The following RASD1 variants were observed in gnomAD, a reference collection of about 807,000 sequenced individuals.
The protein encoded by RASD1 is dexamethasone-induced Ras-related protein 1.
Under a neutral mutation model 16.7 loss-of-function variants are expected in RASD1, and 13 were observed. The ratio of observed to expected loss-of-function variants is 0.78; its 90% CI spans 0.51 to 1.24. RASD1 has a LOEUF of 1.24. Ranked by LOEUF, RASD1 falls within the 50% of genes most tolerant of loss-of-function variation. RASD1 has a pLI of 0.00. For synonymous variants in RASD1, 170 were observed against 172.6 expected, an observed-to-expected ratio of 0.98 and a Z score of 0.12; for missense variants, 397 against 407.5, an observed-to-expected ratio of 0.97 and a Z score of 0.22.
rs766402022 is a variant in RASD1 at position 17,495,888 on chromosome 17, C to T, written c.286+8G>A. 5 of 1,599,974 alleles carry T rather than the reference C, an allele frequency of 3.1e-6. No homozygotes were observed. In the African/African-American group the frequency reaches 5.3e-5, roughly 17 times the overall value. On this transcript the variant is annotated splice_region_variant and intron_variant, in intron 1 of 1. Coordinates refer to ENST00000225688, the MANE Select transcript of RASD1 (RefSeq NM_016084.5). ...TTCCCTCCCGCACCTGCCCGGCCCC[C>T]GGCTCACCTGTGAGGATGGAGAGGC... is the stretch of plus-strand genomic sequence containing the variant.
In RASD1 at chr17:17,495,255, G is replaced by A; in HGVS notation, c.716C>T (p.Pro239Leu). 1 of 1,578,178 alleles carries A rather than the reference G, an allele frequency of 6.3e-7. No individual in the cohort carries two copies. The highest frequency in any genetic ancestry group is 8.6e-7 in the Non-Finnish European group (1 of 1,163,738). Reference sequence around the variant, plus strand: ...TGCCACGATGCCAAAGGCGTCGCCCGGGTCGCCGCCGCCGCCGCCGCTGCC... The same window carrying A: ...TGCCACGATGCCAAAGGCGTCGCCCAGGTCGCCGCCGCCGCCGCCGCTGCC... ...RAGSGGGGGD[P>L]GDAFGIVAPF... Residue 239 changes from proline to leucine, a missense_variant, in exon 2 of 2, where the codon CCG becomes CTG. Coordinates refer to ENST00000225688, the MANE Select transcript of RASD1 (RefSeq NM_016084.5).
rs111300422 is a variant in RASD1 at position 17,494,935 on chromosome 17, C to G, written c.*190G>C. On this transcript the variant is annotated 3_prime_UTR_variant, in exon 2 of 2. Transcript: ENST00000225688. ...GTGGGGAATAGTCCCAGTCTTGGCCCGTTCTCTTTCCTTCCGGAGCAGATG... is the reference window on the plus strand; with the variant it reads ...GTGGGGAATAGTCCCAGTCTTGGCCGGTTCTCTTTCCTTCCGGAGCAGATG... The G allele has an allele frequency of 0.041, 30,196 of 734,782 alleles. 1,792 individuals are homozygous for G. Among genetic ancestry groups the G allele is most frequent in the African/African-American group, 0.23 (12,302 of 54,114 alleles). 45.5% of individuals were successfully genotyped at this position (734,782 alleles called of 1,614,324 possible). A position where few individuals can be genotyped will look rare whatever the true frequency, so the allele number is the denominator to read the frequency against.
In RASD1 at chr17:17,495,220, G is replaced by A. The variant is rs1196651875; in HGVS notation, c.751C>T (p.Arg251Cys). The change falls in exon 2 of 2, where the codon CGC becomes TGC. Residue 251 changes from arginine to cysteine, a missense_variant. Transcript: ENST00000225688. ...DAFGIVAPFA[R>C]RPSVHSDLMY... ...AGGTCGCTGTGTACGCTGGGCCGGCGCGCGAAGGGTGCCACGATGCCAAAG... is the reference window on the plus strand; with the variant it reads ...AGGTCGCTGTGTACGCTGGGCCGGCACGCGAAGGGTGCCACGATGCCAAAG... 1.2e-6 allele frequency: 2 copies of A among 1,609,924 alleles called. No homozygotes were observed. The highest frequency in any genetic ancestry group is 1.7e-6 in the Non-Finnish European group (2 of 1,179,106).
rs756541163 is a variant in RASD1 at position 17,496,175 on chromosome 17, G to A, written c.7C>T (p.Leu3=). MK[L]AAMIKKMCPS... is the part of the protein sequence containing the mutation. Reference sequence around the variant, plus strand: ...CACATCTTCTTGATCATCGCGGCCAGTTTCATTGGGCAGAGGGGCCGCGAG... The same window carrying A: ...CACATCTTCTTGATCATCGCGGCCAATTTCATTGGGCAGAGGGGCCGCGAG... The change falls in exon 1 of 2, where the codon CTG becomes TTG. Residue 3 remains leucine (L), a synonymous_variant. Transcript: ENST00000225688. 10 of 1,601,238 alleles carry A rather than the reference G, an allele frequency of 6.2e-6. No homozygotes were observed. The highest frequency in any genetic ancestry group is 7.7e-6 in the Non-Finnish European group (9 of 1,171,922).
chr17:17,496,345 G>C lies in RASD1; in HGVS notation c.-164C>G, dbSNP rs941429015. On this transcript the variant is annotated 5_prime_UTR_variant, in exon 1 of 2. Coordinates refer to ENST00000225688, the MANE Select transcript of RASD1 (RefSeq NM_016084.5). The stretch of plus-strand genomic sequence containing the variant: ...TCCGCTCGGGCTGGGCTCGGGCTAG[G>C]CTGGGCTCGGCTGGGGTTCTCCCAG... 1.4e-6 allele frequency: 1 copy of C among 701,060 alleles called. No homozygotes were observed. The highest frequency in any genetic ancestry group is 2.2e-6 in the Non-Finnish European group (1 of 451,936). 43.4% of individuals were successfully genotyped at this position (701,060 alleles called of 1,614,324 possible).
chr17:17,495,767 G>A (rs1398625485), intron 1 of RASD1, 83 bp from the exon 2 acceptor site: 1 of 1,469,138 alleles, frequency 6.8e-7, no homozygotes, highest in Non-Finnish European at 9.0e-7. Flanking sequence ...GAGGCCGCGC[G>A]GGGCGCGCTA....
rs1202580856 is a variant in RASD1 at position 17,495,487 on chromosome 17, G to A, written c.484C>T (p.Gln162Ter). The change falls in exon 2 of 2, where the codon CAG becomes TAG. Residue 162 changes from glutamine to a stop codon, truncating the protein, a stop_gained. Coordinates refer to ENST00000225688, the MANE Select transcript of RASD1 (RefSeq NM_016084.5). LOFTEE classifies it high-confidence loss of function. ...YREVDQREIEQLVGDDPQRCA... is the reference protein window; with the variant it reads ...YREVDQREIE ...CGCTGGGGGTCGTCGCCCACCAGCT[G>A]CTCGATCTCGCGCTGGTCCACCTCG... The A allele has an allele frequency of 6.2e-7, 1 of 1,610,702 alleles. No homozygotes were observed. The highest frequency in any genetic ancestry group is 1.1e-5 in the South Asian group (1 of 90,534).
chr17:17,495,476 G>T lies in RASD1; in HGVS notation c.495C>A (p.Gly165=). 6.2e-7 allele frequency: 1 copy of T among 1,609,422 alleles called. No individual in the cohort carries two copies. Residue 165 remains glycine, a synonymous_variant, in exon 2 of 2, where the codon GGC becomes GGA. Transcript: ENST00000225688. The stretch of plus-strand genomic sequence containing the variant: ...AGTAGGCGCAGCGCTGGGGGTCGTC[G>T]CCCACCAGCTGCTCGATCTCGCGCT... The part of the protein sequence containing the change: ...VDQREIEQLV[G]DDPQRCAYFE...
chr17:17,495,213 G>A lies in RASD1; in HGVS notation c.758C>T (p.Pro253Leu), dbSNP rs747066428. 7 of 1,610,688 alleles carry A rather than the reference G, an allele frequency of 4.3e-6. No homozygotes were observed. The highest frequency in any genetic ancestry group is 5.9e-6 in the Non-Finnish European group (7 of 1,179,408). The change falls in exon 2 of 2, where the codon CCC (proline) becomes CTC (leucine). Residue 253 changes from proline to leucine, a missense_variant. Physicochemically the swap from Pro to Leu is moderately conservative, Grantham distance 98. Transcript: ENST00000225688. ...GTACATGAGGTCGCTGTGTACGCTG[G>A]GCCGGCGCGCGAAGGGTGCCACGAT... ...FGIVAPFARR[P>L]SVHSDLMYIR...
At position 17,495,371 on chromosome 17, in the gene RASD1, C is replaced by T. The variant is rs1597855921; in HGVS notation, c.600G>A (p.Glu200=). The T allele has an allele frequency of 6.3e-7, 1 of 1,591,538 alleles. No individual in the cohort carries two copies. The highest frequency in any genetic ancestry group is 1.1e-5 in the South Asian group (1 of 88,002). ...ALFAMAKLPS[E]MSPDLHRKVS... ...CCTTGCGGTGCAGGTCTGGGCTCATCTCGCTGGGCAGCTTGGCCATGGCGA... is the reference window on the plus strand; with the variant it reads ...CCTTGCGGTGCAGGTCTGGGCTCATTTCGCTGGGCAGCTTGGCCATGGCGA... The change falls in exon 2 of 2, where the codon GAG becomes GAA. Residue 200 remains glutamate (E), a synonymous_variant. Transcript: ENST00000225688.
In RASD1 at chr17:17,495,234, A is replaced by G. The variant is rs1905379113; in HGVS notation, c.737T>C (p.Val246Ala). 1 of 1,607,116 alleles carries G rather than the reference A, an allele frequency of 6.2e-7. No individual in the cohort carries two copies. Among genetic ancestry groups the G allele is most frequent in the East Asian group, 2.2e-5 (1 of 44,626 alleles). The change falls in exon 2 of 2, where the codon GTG (valine) becomes GCG (alanine). Residue 246 changes from valine (V) to alanine (A), a missense_variant. By Grantham distance (64) the Val-to-Ala change is moderately conservative. Transcript: ENST00000225688. ...GGDPGDAFGI[V>A]APFARRPSVH... Reference sequence around the variant, plus strand: ...GCTGGGCCGGCGCGCGAAGGGTGCCACGATGCCAAAGGCGTCGCCCGGGTC... The same window carrying G: ...GCTGGGCCGGCGCGCGAAGGGTGCCGCGATGCCAAAGGCGTCGCCCGGGTC...
rs1160176175 is a variant in RASD1 at position 17,495,326 on chromosome 17, G to A, written c.645C>T (p.Asp215=). ...TCCGCAGCGCCTTCTTGTGCAGCAC[G>A]TCGCAGTACTGCACCGAGACCTTGC... The part of the protein sequence containing the change: ...LHRKVSVQYC[D]VLHKKALRNK... Residue 215 remains aspartate, a synonymous_variant, in exon 2 of 2, where the codon GAC becomes GAT. Transcript: ENST00000225688. 1.1e-5 allele frequency: 17 copies of A among 1,558,360 alleles called. No homozygotes were observed. Among genetic ancestry groups the A allele is most frequent in the Admixed American group, 1.9e-5 (1 of 51,628 alleles).
In RASD1 at chr17:17,496,388, C is replaced by T; in HGVS notation, c.-207G>A. On this transcript the variant is annotated 5_prime_UTR_variant, in exon 1 of 2. Coordinates refer to ENST00000225688, the MANE Select transcript of RASD1 (RefSeq NM_016084.5). ...TCTCCCAGGATCTGGGCACAGGCCG[C>T]TTGCTCTGGCTTTGGCGCCCGGCCG... 1.9e-6 allele frequency: 1 copy of T among 513,468 alleles called. No homozygotes were observed. Among genetic ancestry groups the T allele is most frequent in the Non-Finnish European group, 3.3e-6 (1 of 307,038 alleles). 31.8% of individuals were successfully genotyped at this position (513,468 alleles called of 1,614,324 possible).
At position 17,495,283 on chromosome 17, in the gene RASD1, C is replaced by CCCGCAGCAGCTTCTTGTT; in HGVS notation, c.670_687dup (p.Asn224_Arg229dup). The stretch of plus-strand genomic sequence containing the variant: ...TCGCCGCCGCCGCCGCCGCTGCCGG[C>CCCGCAGCAGCTTCTTGTT]CCGCAGCAGCTTCTTGTTCCGCAGC... On this transcript the variant is annotated inframe_insertion, in exon 2 of 2. Transcript: ENST00000225688. 7.7e-6 allele frequency: 12 copies of CCCGCAGCAGCTTCTTGTT among 1,560,518 alleles called. No homozygotes were observed. The highest frequency in any genetic ancestry group is 1.7e-4 in the Middle Eastern group (1 of 5,808).
In RASD1 at chr17:17,496,011, G is replaced by C; in HGVS notation, c.171C>G (p.Ile57Met). 1.9e-6 allele frequency: 3 copies of C among 1,614,070 alleles called. No homozygotes were observed. The highest frequency in any genetic ancestry group is 2.5e-6 in the Non-Finnish European group (3 of 1,180,028). Residue 57 changes from isoleucine (I) to methionine (M), a missense_variant, in exon 1 of 2, where the codon ATC becomes ATG. Coordinates refer to ENST00000225688, the MANE Select transcript of RASD1 (RefSeq NM_016084.5). ...GRFEDAYTPT[I>M]EDFHRKFYSI... is the part of the protein sequence containing the mutation. The stretch of plus-strand genomic sequence containing the variant: ...AGTAGAACTTGCGGTGGAAGTCCTC[G>C]ATGGTAGGCGTGTAGGCGTCCTCGA...
At chr17:17,495,835 G>A in intron 1 of RASD1, 61 bp downstream of exon 1, 2 of 1,504,432 alleles carry the variant, frequency 1.3e-6, no homozygotes, top group Admixed American at 2.2e-5. Flanking sequence ...GGCGCTCGCG[G>A]GGCGCCCTGG....
At chr17:17,495,846 C>T (rs1905415469) in intron 1 of RASD1, 50 bp downstream of exon 1, 2 of 1,529,470 alleles carry the variant, frequency 1.3e-6, no homozygotes, top group South Asian at 1.2e-5. Context: ...GGCGCCCTGG[C>T]CGAGGGTTCC....
chr17:17,495,448 C>G lies in RASD1; in HGVS notation c.523G>C (p.Glu175Gln). ...CTGCTGTTCTTCTTGGCCGAGATCT[C>G]GAAGTAGGCGCAGCGCTGGGGGTCG... Reference protein sequence around the residue: ...GDDPQRCAYFEISAKKNSSLD... With the variant: ...GDDPQRCAYFQISAKKNSSLD... Residue 175 changes from glutamate to glutamine, a missense_variant, in exon 2 of 2, where the codon GAG becomes CAG. Coordinates refer to ENST00000225688, the MANE Select transcript of RASD1 (RefSeq NM_016084.5). 1 of 1,607,894 alleles carries G rather than the reference C, an allele frequency of 6.2e-7. No homozygotes were observed. Among genetic ancestry groups the G allele is most frequent in the Non-Finnish European group, 8.5e-7 (1 of 1,177,290 alleles).
chr17:17,495,042 C>T lies in RASD1; in HGVS notation c.*83G>A. ...GGGGAGACGCCAGTCCGCGCGCGCTCCCGGCCTGGGGCGCACCGGGCCGTT... is the reference window on the plus strand; with the variant it reads ...GGGGAGACGCCAGTCCGCGCGCGCTTCCGGCCTGGGGCGCACCGGGCCGTT... On this transcript the variant is annotated 3_prime_UTR_variant, in exon 2 of 2. Coordinates refer to ENST00000225688, the MANE Select transcript of RASD1 (RefSeq NM_016084.5). 1 of 1,533,058 alleles carries T rather than the reference C, an allele frequency of 6.5e-7. No individual in the cohort carries two copies. The highest frequency in any genetic ancestry group is 8.8e-7 in the Non-Finnish European group (1 of 1,137,242). 95.0% of individuals were successfully genotyped at this position (1,533,058 alleles called of 1,614,324 possible).
Sources: allele counts gnomAD v4.1 joint callset, GRCh38; gene constraint gnomAD v4.1.1; transcripts MANE v1.5; gene names NCBI Gene and HGNC (gene_info 2026-07-23, HGNC 2026-07-21).